Variants in ZSCAN25 observed in about 807,000 individuals in gnomAD.
The protein encoded by ZSCAN25 is zinc finger and SCAN domain containing 25, also known as zinc finger and SCAN domain-containing protein 25.
A neutral mutation model predicts 38.7 loss-of-function variants in ZSCAN25; 27 were observed. The ratio of observed to expected loss-of-function variants is 0.70; its 90% CI spans 0.51 to 0.96. ZSCAN25 has a LOEUF of 0.96. ZSCAN25 is among the 40% of genes least tolerant of loss of function. The pLI is 0.00. For missense variants in ZSCAN25, 637 were observed against 705.9 expected (o/e 0.90, Z 1.11); for synonymous variants, 273 against 277.7 (o/e 0.98, Z 0.17).
the ZSCAN25 span, chr7:99,662,845 T>C: frequency 6.2e-7 from 1 of 1,613,884 alleles, no homozygotes; most frequent in Non-Finnish European, 8.5e-7. This position sits in a 1 kb window ranked among gnomAD's most constrained non-coding sequence, Gnocchi z 4.3. Context: ...TTTCGAATTC[T>C]GGGAGTCAAT....
chr7:99,721,128 T>A, the ZSCAN25 span, among the ~76,000 whole-genome samples: 1 of 152,186 alleles, frequency 6.6e-6, no homozygotes, highest in East Asian at 1.9e-4. Flanking sequence ...GGCCACCTTA[T>A]AAAATCACAG....
Position 99,630,851 on chromosome 7 carries a change from TAAA to T in ZSCAN25, c.*835_*837del. 1.0e-6 allele frequency: 1 copy of T among 985,000 alleles called. No individual in the cohort carries two copies. Among genetic ancestry groups the T allele is most frequent in the Non-Finnish European group, 1.2e-6 (1 of 829,518 alleles). 61.0% of individuals were successfully genotyped at this position (985,000 alleles called of 1,614,324 possible). A position where few individuals can be genotyped will look rare whatever the true frequency, so the allele number is the denominator to read the frequency against. ...TCACTGAATAAACATCAGAGTATTT[TAAA>T]AAACAGTTCTCTAGAAAGAACTGTT... On this transcript the variant is annotated 3_prime_UTR_variant, in exon 8 of 8. Coordinates refer to ENST00000394152, the MANE Select transcript of ZSCAN25 (RefSeq NM_145115.3).
At chr7:99,705,482 C>T in the ZSCAN25 span, 1 of 1,612,602 alleles carries the variant, frequency 6.2e-7, no homozygotes, top group Non-Finnish European at 8.5e-7. Flanking sequence ...AAGAGCAAAC[C>T]AGAAGTCCTT....
At position 99,621,586 on chromosome 7, in the gene ZSCAN25, G is replaced by A. The variant is rs79618971; in HGVS notation, c.589+12G>A. The A allele has an allele frequency of 2.1e-6, 3 of 1,399,110 alleles. No homozygotes were observed. Among genetic ancestry groups the A allele is most frequent in the South Asian group, 1.7e-5 (1 of 58,272 alleles). 86.7% of individuals were successfully genotyped at this position (1,399,110 alleles called of 1,614,324 possible). ...CTTCCAGGAGCAAGGTGAGTAAGAC[G>A]CAGATAGTGGGGATGTCAGGTCATA... On this transcript the variant is annotated intron_variant, in intron 5 of 7. Transcript: ENST00000394152.
At chr7:99,683,054 T>C in the ZSCAN25 span, among the ~76,000 whole-genome samples, 3 of 151,780 alleles carry the variant, frequency 2.0e-5, no homozygotes, top group African/African-American at 4.8e-5. Context: ...TGGAAATCAT[T>C]TGGAAATATC....
chr7:99,672,113 G>A, the ZSCAN25 span, among the ~76,000 whole-genome samples: 13 of 152,220 alleles, frequency 8.5e-5, 1 homozygote, highest in South Asian at 1.9e-3. Context: ...GTATAATGGC[G>A]TGATCTCGGC....
chr7:99,672,885 AG>A, the ZSCAN25 span: 2 of 1,383,026 alleles, frequency 1.4e-6, no homozygotes, highest in East Asian at 5.4e-5. Context: ...CATATGATGA[AG>A]GGTAATGTGG....
the ZSCAN25 span, among the ~76,000 whole-genome samples, chr7:99,673,588 A>T: frequency 6.6e-6 from 1 of 152,260 alleles, no homozygotes; most frequent in Non-Finnish European, 1.5e-5. Context: ...GAGAAAGTTT[A>T]AAAAAGTGGA....
chr7:99,711,541 G>T, the ZSCAN25 span, among the ~76,000 whole-genome samples: 1 of 152,128 alleles, frequency 6.6e-6, no homozygotes, highest in Non-Finnish European at 1.5e-5. Context: ...GGCCAAGGTG[G>T]GTGGATCACC....
downstream of ZSCAN25, among the ~76,000 whole-genome samples, chr7:99,633,020 C>G (rs1808119674): frequency 7.8e-6 from 1 of 128,168 alleles, no homozygotes; most frequent in South Asian, 3.6e-4. Flanking sequence ...GAGTCTCGCT[C>G]TGTTGCCCAG....
At chr7:99,701,276 C>T in the ZSCAN25 span, among the ~76,000 whole-genome samples, 2 of 152,158 alleles carry the variant, frequency 1.3e-5, no homozygotes, top group Non-Finnish European at 1.5e-5. Context: ...TTATAAAGGA[C>T]AGGATCTCAT....
the ZSCAN25 span, among the ~76,000 whole-genome samples, chr7:99,713,023 C>T: frequency 2.0e-4 from 31 of 152,174 alleles, no homozygotes; most frequent in Non-Finnish European, 3.8e-4. Flanking sequence ...TAAAATCGCC[C>T]TTATTTGGAT....
the ZSCAN25 span, among the ~76,000 whole-genome samples, chr7:99,686,750 A>ACC: frequency 4.6e-3 from 620 of 133,354 alleles, 3 homozygotes; most frequent in African/African-American, 0.016. Context: ...ACTGGGAGGC[A>ACC]CCCCCCCCCC....
the ZSCAN25 span, chr7:99,709,032 TA>T: frequency 6.2e-7 from 1 of 1,613,958 alleles, no homozygotes; most frequent in East Asian, 2.2e-5. Flanking sequence ...AGGGGCCTCC[TA>T]CCTTTCAGGG....
At chr7:99,646,490 G>C in the ZSCAN25 span, among the ~76,000 whole-genome samples, 34 of 152,040 alleles carry the variant, frequency 2.2e-4, no homozygotes, top group African/African-American at 8.0e-4. Context: ...ATAGTTCTTT[G>C]GTGGAGTCTT....
chr7:99,635,311 C>G (rs952271897), downstream of ZSCAN25, among the ~76,000 whole-genome samples: 4 of 152,132 alleles, frequency 2.6e-5, no homozygotes, highest in African/African-American at 9.7e-5. Flanking sequence ...AGATTAACCT[C>G]ATTCAAAACA....
the ZSCAN25 span, among the ~76,000 whole-genome samples, chr7:99,658,458 G>A: frequency 1.3e-5 from 2 of 152,092 alleles, no homozygotes; most frequent in African/African-American, 4.8e-5. Flanking sequence ...TCCACTGTTA[G>A]TCTGATGGGT....
the ZSCAN25 span, among the ~76,000 whole-genome samples, chr7:99,689,347 C>T: frequency 1.3e-5 from 2 of 152,300 alleles, no homozygotes; most frequent in Admixed American, 1.3e-4. Context: ...CACCACCCAT[C>T]CCACAGAAAT....
chr7:99,700,157 A>G, the ZSCAN25 span: 1 of 680,082 alleles, frequency 1.5e-6, no homozygotes, highest in Admixed American at 2.1e-5. Flanking sequence ...AGCTGCTGAA[A>G]TGTTTATGTG....
Sources: gnomAD v4.1 joint callset for allele counts (sites outside exome capture counted in the v4.1 genomes callset) on GRCh38, gnomAD v4.1.1 for gene constraint, Gnocchi (gnomAD v3.1) non-coding constraint, MANE v1.5 for transcripts, NCBI Gene and HGNC (gene_info 2026-07-23, HGNC 2026-07-21) for gene names.